The following REXO1 variants were observed in gnomAD, a reference collection of about 807,000 sequenced individuals.
REXO1 encodes the protein RNA exonuclease 1 homolog, also known as REX1, RNA exonuclease 1 homolog.
Under a neutral mutation model 102.6 loss-of-function variants are expected in REXO1, and 42 were observed. The ratio of observed to expected loss-of-function variants is 0.41; its 90% confidence interval spans 0.32 to 0.53. The LOEUF (loss-of-function observed/expected upper bound fraction) is 0.53. REXO1 is among the 20% of genes least tolerant of loss of function. The pLI, the probability that REXO1 is intolerant of heterozygous loss-of-function variation, is 0.27. For missense variants in REXO1, 1,819 were observed against 1,732.5 expected, an observed-to-expected ratio of 1.05 and a Z score of -0.89; for synonymous variants, 908 against 779.1, an observed-to-expected ratio of 1.17 and a Z score of -2.76.
At position 1,826,095 on chromosome 19, in the gene REXO1, T is replaced by G; in HGVS notation, c.1912-152A>C. ...GCTCAGGGCCAACAGTCCCTGGGCT[T>G]TGTGTGGGTGCAGTCGGAGGGGTGG... On this transcript the variant is annotated intron_variant, in intron 2 of 15. Transcript: ENST00000170168. This position sits in a 1 kb window ranked among gnomAD's most constrained non-coding sequence, Gnocchi z 4.3. 1 of 620,744 alleles carries G rather than the reference T, an allele frequency of 1.6e-6. No individual in the cohort carries two copies. The highest frequency in any genetic ancestry group is 2.8e-5 in the East Asian group (1 of 35,630). 38.5% of individuals were successfully genotyped at this position (620,744 alleles called of 1,614,324 possible).
chr19:1,831,422 C>T (rs961364322), intron 1 of REXO1, among the ~76,000 whole-genome samples: 4 of 152,234 alleles, frequency 2.6e-5, no homozygotes, highest in African/African-American at 7.2e-5. Flanking sequence ...AATGGCTGGA[C>T]GCAGCCAAGG....
chr19:1,824,532 C>T (rs2069650172), intron 3 of REXO1: 2 of 152,354 alleles, frequency 1.3e-5, no homozygotes, highest in East Asian at 1.9e-4. Context: ...TAAACTGATA[C>T]TAACTTGTCA....
Position 1,815,532 on chromosome 19 carries a change from C to T in REXO1, c.*534G>A. 5.0e-6 allele frequency: 2 copies of T among 398,136 alleles called. No homozygotes were observed. Among genetic ancestry groups the T allele is most frequent in the Non-Finnish European group, 7.9e-6 (2 of 254,528 alleles). The allele number at this position is 398,136 out of a possible 1,614,324, so 24.7% of individuals were successfully genotyped here. On this transcript the variant is annotated 3_prime_UTR_variant, in exon 16 of 16. Transcript: ENST00000170168. The surrounding 1 kb of genome is among the most constrained non-coding windows in gnomAD (Gnocchi z 4.0). Reference sequence around the variant, plus strand: ...CAGCCCACACTGCGCTGAGTGTGGCCCTGGCCCCCACTGGGGTCTGTCCCA... The same window carrying T: ...CAGCCCACACTGCGCTGAGTGTGGCTCTGGCCCCCACTGGGGTCTGTCCCA...
chr19:1,821,844 C>G, intron 4 of REXO1, 162 bp from the exon 5 acceptor site: 1 of 646,506 alleles, frequency 1.5e-6, no homozygotes, highest in South Asian at 2.0e-5. Flanking sequence ...TGGCATCAGG[C>G]TCTAGCTGCC....
Position 1,816,118 on chromosome 19 carries a change from C to G in REXO1, c.3614G>C (p.Cys1205Ser). The change falls in exon 16 of 16, where the codon TGC becomes TCC. Residue 1205 changes from cysteine (C) to serine (S), a missense_variant. Coordinates refer to ENST00000170168, the MANE Select transcript of REXO1 (RefSeq NM_020695.4). ...AACCTTCCAGATCACCAGGTGCATG[C>G]AGGCGCCGGCGTCCTCGCTGGAGCT... ...GHSSSEDAGA[C>S]MHLVIWKVRE... 6.5e-7 allele frequency: 1 copy of G among 1,549,556 alleles called. No individual in the cohort carries two copies. Among genetic ancestry groups the G allele is most frequent in the South Asian group, 1.2e-5 (1 of 84,132 alleles).
chr19:1,835,964 C>T (rs1452571591), intron 1 of REXO1, among the ~76,000 whole-genome samples: 3 of 152,236 alleles, frequency 2.0e-5, no homozygotes, highest in Admixed American at 1.3e-4. Context: ...TCTCCTGAGA[C>T]CAGTGCCCTG....
At chr19:1,838,626 T>C (rs1202417440) in intron 1 of REXO1, among the ~76,000 whole-genome samples, 3 of 149,680 alleles carry the variant, frequency 2.0e-5, no homozygotes, top group Non-Finnish European at 1.5e-5. Flanking sequence ...GATCGTGACA[T>C]TGCTCTCCAG....
At chr19:1,825,810 C>A in intron 3 of REXO1, 29 bp downstream of exon 3, 3 of 1,360,558 alleles carry the variant, frequency 2.2e-6, no homozygotes, top group African/African-American at 1.5e-5. Context: ...AAAAAAGGCT[C>A]CTGCTGGCCT....
chr19:1,831,744 C>T (rs2069907409), intron 1 of REXO1, among the ~76,000 whole-genome samples: 2 of 148,470 alleles, frequency 1.3e-5, no homozygotes, highest in Admixed American at 1.4e-4. Flanking sequence ...ACTCGGGAGG[C>T]TGAGGCAAGA....
intron 3 of REXO1, 183 bp from the exon 4 acceptor site, chr19:1,823,968 TGTGGCTCCAGGCTCCCCCACTCCCA>T: frequency 2.5e-6 from 1 of 396,166 alleles, no homozygotes; most frequent in Non-Finnish European, 4.4e-6. Flanking sequence ...CTCAATGCCA[TGTGGCTCCAGGCTCCCCCACTCCCA>T]GTGTCTCCCG....
At chr19:1,819,204 C>T in intron 7 of REXO1, 73 bp from the exon 8 acceptor site, 1 of 1,128,000 alleles carries the variant, frequency 8.9e-7, no homozygotes, top group Non-Finnish European at 1.3e-6. Flanking sequence ...TGCTCTCCCA[C>T]CCACCCTGCC....
chr19:1,819,416 G>A (rs1022703507), intron 7 of REXO1, among the ~76,000 whole-genome samples: 4 of 151,880 alleles, frequency 2.6e-5, no homozygotes, highest in African/African-American at 4.9e-5. Flanking sequence ...GGGGAAGGGC[G>A]GGGAGAACAG....
chr19:1,825,758 G>C, intron 3 of REXO1, 81 bp downstream of exon 3: 1 of 980,364 alleles, frequency 1.0e-6, no homozygotes, highest in Non-Finnish European at 1.6e-6. Context: ...TTACAGGCGT[G>C]AGCCACCAAA....
Position 1,826,206 on chromosome 19 carries a change from T to C in REXO1, c.1912-263A>G, listed in dbSNP as rs543326255. On this transcript the variant is annotated intron_variant, in intron 2 of 15. Transcript: ENST00000170168. The surrounding 1 kb of genome is among the most constrained non-coding windows in gnomAD (Gnocchi z 4.3). ...GCTTGGAGACCCCAGGGCTGCAGAA[T>C]GAAAGCACACTGGGAAAGCGAGGCC... Among the ~76,000 whole-genome samples the C allele has an allele frequency of 1.2e-4, 18 of 152,156 alleles. No individual in the cohort carries two copies. Among genetic ancestry groups the C allele is most frequent in the African/African-American group, 3.4e-4 (14 of 41,512 alleles).
At chr19:1,834,262 A>C (rs1269673604) in intron 1 of REXO1, among the ~76,000 whole-genome samples, 1 of 152,140 alleles carries the variant, frequency 6.6e-6, no homozygotes, top group East Asian at 1.9e-4. Context: ...CTCTGAAAGG[A>C]GAGACCATTT....
Position 1,826,769 on chromosome 19 carries a change from C to G in REXO1, c.1911+109G>C. The G allele has an allele frequency of 6.7e-7, 1 of 1,492,166 alleles. No individual in the cohort carries two copies. Among genetic ancestry groups the G allele is most frequent in the Admixed American group, 2.5e-5 (1 of 39,610 alleles). The allele number at this position is 1,492,166 out of a possible 1,614,324, so 92.4% of individuals were successfully genotyped here. On this transcript the variant is annotated intron_variant, in intron 2 of 15. Coordinates refer to ENST00000170168, the MANE Select transcript of REXO1 (RefSeq NM_020695.4). The surrounding 1 kb of genome is among the most constrained non-coding windows in gnomAD (Gnocchi z 4.3). ...AGGGACCAGCACTGAGGAGCTGCCT[C>G]CACCCCGTGCCTCCGAGCCAACTGG... is the stretch of plus-strand genomic sequence containing the variant.
rs753074146 is a variant in REXO1, at chr19:1,827,891, C to T, written c.898G>A (p.Glu300Lys). 2 of 1,613,718 alleles carry T rather than the reference C, an allele frequency of 1.2e-6. No homozygotes were observed. Among genetic ancestry groups the T allele is most frequent in the Non-Finnish European group, 8.5e-7 (1 of 1,179,874 alleles). ...EDEAATVPGN[E>K]PTTASTPKAR... Reference sequence around the variant, plus strand: ...TTGGGGGTGCTGGCCGTGGTGGGCTCGTTACCTGGGACCGTGGCGGCCTCA... The same window carrying T: ...TTGGGGGTGCTGGCCGTGGTGGGCTTGTTACCTGGGACCGTGGCGGCCTCA... Residue 300 changes from glutamate (E) to lysine (K), a missense_variant, in exon 2 of 16, where the codon GAG becomes AAG. Transcript: ENST00000170168.
chr19:1,817,623 C>T (rs982938014), intron 11 of REXO1, 84 bp downstream of exon 11: 72 of 1,484,956 alleles, frequency 4.8e-5, no homozygotes, highest in African/African-American at 6.9e-5. Context: ...CAGGACTGTG[C>T]TGTGTCCCGA....
At chr19:1,845,223 G>A (rs927358568) in intron 1 of REXO1, among the ~76,000 whole-genome samples, 1 of 152,160 alleles carries the variant, frequency 6.6e-6, no homozygotes, top group Non-Finnish European at 1.5e-5. Flanking sequence ...GGATAGTAAC[G>A]CTCATTCCCA....
Sources: allele counts gnomAD v4.1 joint callset (sites outside exome capture counted in the v4.1 genomes callset), GRCh38; gene constraint gnomAD v4.1.1; non-coding constraint Gnocchi (gnomAD v3.1); transcripts MANE v1.5; gene names NCBI Gene and HGNC (gene_info 2026-07-23, HGNC 2026-07-21).